The following NBDY variants were observed in gnomAD, a reference collection of about 807,000 sequenced individuals.
The protein encoded by NBDY is P-body dissociating protein.
intron 2 of NBDY, among the ~76,000 whole-genome samples, chrX:56,756,060 A>T (rs1464572642): frequency 2.0e-5 from 2 of 101,268 alleles, no homozygotes; most frequent in African/African-American, 7.2e-5. Context: ...CAAACACTGC[A>T]TGTTCTCACT....
chrX:56,748,645 A>G (rs987409610), intron 2 of NBDY, among the ~76,000 whole-genome samples: 1 of 108,222 alleles, frequency 9.2e-6, no homozygotes, highest in Non-Finnish European at 1.9e-5. Context: ...GAAACCTGAA[A>G]AAGTCTGATG....
At chrX:56,763,236 T>A (rs540595190) in intron 2 of NBDY, among the ~76,000 whole-genome samples, 8 of 112,163 alleles carry the variant, frequency 7.1e-5, no homozygotes, top group South Asian at 3.7e-4. Flanking sequence ...CAGAGAGAGT[T>A]CCCTTGGGAG....
intron 2 of NBDY, among the ~76,000 whole-genome samples, chrX:56,752,368 T>C (rs2069590039): frequency 9.0e-6 from 1 of 111,615 alleles, no homozygotes; most frequent in Admixed American, 9.5e-5. Flanking sequence ...CCAGTAGCTA[T>C]TGTTTTTTGA....
chrX:56,789,310 C>G (rs761476206), intron 2 of NBDY, among the ~76,000 whole-genome samples: 1 of 111,479 alleles, frequency 9.0e-6, no homozygotes, highest in South Asian at 3.9e-4. Context: ...CCAGAGGAGT[C>G]TGTTCTCATG....
chrX:56,799,637 T>C (rs1005989260), intron 2 of NBDY, among the ~76,000 whole-genome samples: 2 of 113,368 alleles, frequency 1.8e-5, no homozygotes, highest in Admixed American at 1.8e-4. Context: ...TGTAGTCTGT[T>C]GTCAAGAAAC....
intron 2 of NBDY, among the ~76,000 whole-genome samples, chrX:56,756,032 AT>A (rs1466374909): frequency 9.4e-6 from 1 of 106,263 alleles, no homozygotes; most frequent in Non-Finnish European, 1.9e-5. Flanking sequence ...TCAGTAAACT[AT>A]CATAAGGACA....
Position 56,731,402 on chromosome X carries a change from TA to T in NBDY, c.*30-641del, listed in dbSNP as rs56304858. Among the ~76,000 whole-genome samples, 117 of 71,252 alleles carry T rather than the reference TA, an allele frequency of 1.6e-3. 1 individual carries two copies. The highest frequency in any genetic ancestry group is 2.9e-3 in the African/African-American group (45 of 15,782). The allele number at this position is 71,252 out of a possible 115,157, so 61.9% of individuals were successfully genotyped here. A position where few individuals can be genotyped will look rare whatever the true frequency, so the allele number is the denominator to read the frequency against. On this transcript the variant is annotated intron_variant, in intron 1 of 2. Transcript: ENST00000374922. ...GGCGAAACCCCATCTCTACTAAAAG[TA>T]AAAAAAAAAAAAAAAAAAATAGCCG...
At chrX:56,815,949 CT>C (rs977649933) in intron 2 of NBDY, among the ~76,000 whole-genome samples, 2 of 111,511 alleles carry the variant, frequency 1.8e-5, no homozygotes, top group Non-Finnish European at 3.8e-5. Context: ...TTAATCTTCT[CT>C]TTTATACATT....
intron 2 of NBDY, among the ~76,000 whole-genome samples, chrX:56,816,488 A>G (rs1359003455): frequency 9.0e-6 from 1 of 111,604 alleles, no homozygotes; most frequent in Non-Finnish European, 1.9e-5. Context: ...TGTTGCAAGC[A>G]TATTAAATAT....
chrX:56,756,307 A>G (rs948453205), intron 2 of NBDY, among the ~76,000 whole-genome samples: 1 of 109,890 alleles, frequency 9.1e-6, no homozygotes, highest in African/African-American at 3.3e-5. Context: ...TAAAATAAAT[A>G]AATAAATAAT....
At chrX:56,741,696 T>A (rs1335750713) in intron 2 of NBDY, among the ~76,000 whole-genome samples, 1 of 111,863 alleles carries the variant, frequency 8.9e-6, no homozygotes, top group Non-Finnish European at 1.9e-5. Context: ...ATTATTAGAT[T>A]TTTTCCTATT....
rs2069484503 is a variant in NBDY at position 56,735,613 on chromosome X, C to G, written c.*166+3414C>G. On this transcript the variant is annotated intron_variant, in intron 2 of 2. Transcript: ENST00000374922. ...GCTCCCTACACACCTTGACAGTGCT[C>G]TTTGAGATGCCTCAGTTCTAGTCTC... 2.7e-5 allele frequency among the ~76,000 whole-genome samples: 3 copies of G among 112,030 alleles called. No individual in the cohort carries two copies. In the South Asian group the frequency reaches 1.1e-3, roughly 42 times the overall value.
At chrX:56,731,142 T>G (rs745941901) in intron 1 of NBDY, among the ~76,000 whole-genome samples, 53 of 111,264 alleles carry the variant, frequency 4.8e-4, no homozygotes, top group African/African-American at 1.7e-3. Flanking sequence ...AATAGAAATC[T>G]ATTTTACTTG....
intron 2 of NBDY, among the ~76,000 whole-genome samples, chrX:56,814,180 T>G (rs894037557): frequency 1.8e-5 from 2 of 111,297 alleles, no homozygotes; most frequent in African/African-American, 6.5e-5. Flanking sequence ...TTCTTCCCAG[T>G]GGTGGATTCA....
intron 2 of NBDY, among the ~76,000 whole-genome samples, chrX:56,765,823 CTT>C (rs959729829): frequency 1.8e-5 from 2 of 110,206 alleles, no homozygotes; most frequent in Non-Finnish European, 3.8e-5. Context: ...TCCTTTGCCT[CTT>C]TTTCTTTTTT....
chrX:56,794,327 A>G (rs2069780717), intron 2 of NBDY, among the ~76,000 whole-genome samples: 1 of 111,794 alleles, frequency 8.9e-6, no homozygotes. Context: ...GACTCCACAA[A>G]TGGCAGTCAT....
chrX:56,747,877 G>C (rs1213346469), intron 2 of NBDY, among the ~76,000 whole-genome samples: 1 of 111,284 alleles, frequency 9.0e-6, no homozygotes, highest in East Asian at 2.8e-4. Flanking sequence ...TATCAATCAG[G>C]GTTCAACCAG....
In NBDY at chrX:56,800,929, C is replaced by T. The variant is rs2069819170; in HGVS notation, c.*167-16391C>T. 2.7e-5 allele frequency among the ~76,000 whole-genome samples: 3 copies of T among 110,852 alleles called. No homozygotes were observed. In the Admixed American group the frequency reaches 2.9e-4, roughly 11 times the overall value. ...GCTCATTACCTCCTTTCTCTGGTAT[C>T]CATTTCCTCCCCGTTTTACATCTCT... On this transcript the variant is annotated intron_variant, in intron 2 of 2. Coordinates refer to ENST00000374922, the MANE Select transcript of NBDY (RefSeq NM_001348129.2).
intron 2 of NBDY, among the ~76,000 whole-genome samples, chrX:56,787,289 A>C (rs770856334): frequency 4.5e-4 from 50 of 110,252 alleles, no homozygotes; most frequent in African/African-American, 1.7e-3. Flanking sequence ...ACACACGTTA[A>C]ACAAGCCCAA....
Sources: allele counts gnomAD v4.1 joint callset (sites outside exome capture counted in the v4.1 genomes callset), GRCh38; gene constraint gnomAD v4.1.1; transcripts MANE v1.5; gene names NCBI Gene and HGNC (gene_info 2026-07-23, HGNC 2026-07-21).